Variants in KIF6 observed in about 807,000 individuals in gnomAD.
KIF6 encodes kinesin-like protein KIF6.
KIF6 carries 106 observed loss-of-function variants against 112.7 expected under a neutral mutation model. The observed-to-expected ratio is 0.94, with a 90% CI of 0.80 to 1.11. The LOEUF (loss-of-function observed/expected upper bound fraction) is 1.11, where lower values mean the gene tolerates loss of function less well. KIF6 is among the 50% of genes least tolerant of loss of function. The pLI, the probability that KIF6 is intolerant of heterozygous loss-of-function variation, is 0.00. For synonymous variants in KIF6, 339 were observed against 339.9 expected (o/e 1.00, Z 0.03); for missense variants, 929 against 964.0 (o/e 0.96, Z 0.48).
At chr6:39,456,575 C>A (rs1028068223) in intron 13 of KIF6, among the ~76,000 whole-genome samples, 2 of 119,936 alleles carry the variant, frequency 1.7e-5, no homozygotes, top group African/African-American at 3.6e-5. Context: ...CACAGACTGG[C>A]AAGTTGGATA....
intron 13 of KIF6, among the ~76,000 whole-genome samples, chr6:39,500,391 G>A (rs1482587919): frequency 6.6e-6 from 1 of 152,180 alleles, no homozygotes; most frequent in Non-Finnish European, 1.5e-5. Context: ...TGGGAGACTA[G>A]GGGAAGGAAT....
chr6:39,639,641 G>A lies in KIF6; in HGVS notation c.368C>T (p.Thr123Ile). The A allele has an allele frequency of 6.2e-7, 1 of 1,602,538 alleles. No individual in the cohort carries two copies. Among genetic ancestry groups the A allele is most frequent in the Non-Finnish European group, 8.5e-7 (1 of 1,175,702 alleles). Reference protein sequence around the residue: ...RYSDRGIIPRTLSYIFEQLQK... With the variant: ...RYSDRGIIPRILSYIFEQLQK... ...TAACTGTTCAAAAATGTATGACAGTGTCCTTGGGATAATGCCTCTGTCACT... is the reference window on the plus strand; with the variant it reads ...TAACTGTTCAAAAATGTATGACAGTATCCTTGGGATAATGCCTCTGTCACT... The change falls in exon 4 of 23, where the codon ACA (threonine) becomes ATA (isoleucine). Residue 123 changes from threonine to isoleucine, a missense_variant. Transcript: ENST00000287152.
At chr6:39,586,136 G>C in intron 8 of KIF6, 125 bp downstream of exon 8, 1 of 846,130 alleles carries the variant, frequency 1.2e-6, no homozygotes, top group Non-Finnish European at 1.9e-6. Flanking sequence ...GAACTCTGTA[G>C]GGTACTGCCC....
intron 14 of KIF6, among the ~76,000 whole-genome samples, chr6:39,427,113 G>A (rs545533845): frequency 2.8e-4 from 43 of 152,296 alleles, no homozygotes; most frequent in African/African-American, 9.9e-4. Context: ...GGGAAGCTGA[G>A]GCTTAGAGAT....
chr6:39,342,902 A>G lies in KIF6; in HGVS notation c.2428+807T>C, dbSNP rs1763421964. ...GTGCAGGCGCCACAGGGCAGGCATCAGTCATTATACATCGAATCTGCCAGC... is the reference window on the plus strand; with the variant it reads ...GTGCAGGCGCCACAGGGCAGGCATCGGTCATTATACATCGAATCTGCCAGC... On this transcript the variant is annotated intron_variant, in intron 22 of 22. Transcript: ENST00000287152. This position sits in a 1 kb window ranked among gnomAD's most constrained non-coding sequence, Gnocchi z 4.7. 1 of 985,242 alleles carries G rather than the reference A, an allele frequency of 1.0e-6. No individual in the cohort carries two copies. Among genetic ancestry groups the G allele is most frequent in the Non-Finnish European group, 1.2e-6 (1 of 829,928 alleles). The allele number at this position is 985,242 out of a possible 1,614,324, so 61.0% of individuals were successfully genotyped here.
At chr6:39,337,703 C>A (rs1380891247) in intron 22 of KIF6, among the ~76,000 whole-genome samples, 1 of 152,126 alleles carries the variant, frequency 6.6e-6, no homozygotes, top group Non-Finnish European at 1.5e-5. Context: ...AGGATGGCTC[C>A]TCCTGACCAT....
chr6:39,417,014 C>G (rs891512158), intron 15 of KIF6, among the ~76,000 whole-genome samples: 2 of 152,162 alleles, frequency 1.3e-5, no homozygotes, highest in Admixed American at 6.5e-5. Context: ...TGCCTCCTGC[C>G]TCCTAGATTC....
At chr6:39,627,338 G>T (rs950389826) in intron 5 of KIF6, among the ~76,000 whole-genome samples, 6 of 151,614 alleles carry the variant, frequency 4.0e-5, no homozygotes, top group African/African-American at 1.5e-4. Flanking sequence ...ATTTTTTTTG[G>T]CTCTCTTACA....
intron 6 of KIF6, among the ~76,000 whole-genome samples, chr6:39,602,218 T>C (rs535615372): frequency 2.0e-5 from 3 of 152,266 alleles, no homozygotes; most frequent in East Asian, 3.9e-4. Context: ...TTATCTTCCA[T>C]ATATGTTTTC....
intron 13 of KIF6, among the ~76,000 whole-genome samples, chr6:39,457,640 A>C (rs1364019594): frequency 6.6e-6 from 1 of 152,098 alleles, no homozygotes; most frequent in East Asian, 1.9e-4. Context: ...TAATAAAGAA[A>C]AAAAGAGAGA....
intron 3 of KIF6, among the ~76,000 whole-genome samples, chr6:39,710,837 A>T (rs1789506953): frequency 6.6e-6 from 1 of 151,978 alleles, no homozygotes. Context: ...GGAGTTTGAG[A>T]CCAGTCTGAG....
At chr6:39,403,035 A>G (rs1378293546) in intron 15 of KIF6, among the ~76,000 whole-genome samples, 2 of 150,514 alleles carry the variant, frequency 1.3e-5, no homozygotes, top group Non-Finnish European at 2.9e-5. Flanking sequence ...CTCTTTCTAG[A>G]GAAATTAAAA....
intron 10 of KIF6, among the ~76,000 whole-genome samples, chr6:39,572,097 G>A (rs1327063347): frequency 6.6e-6 from 1 of 151,914 alleles, no homozygotes; most frequent in Non-Finnish European, 1.5e-5. Context: ...TTTTAAACAT[G>A]GAACTGAAAA....
intron 5 of KIF6, among the ~76,000 whole-genome samples, chr6:39,616,850 T>C (rs1033478319): frequency 6.6e-6 from 1 of 152,176 alleles, no homozygotes; most frequent in African/African-American, 2.4e-5. Flanking sequence ...AAATGGTTTT[T>C]CAAAGTTGAA....
chr6:39,612,137 T>C (rs961671999), intron 6 of KIF6, among the ~76,000 whole-genome samples: 1 of 152,164 alleles, frequency 6.6e-6, no homozygotes. Context: ...GCTTTCAGTA[T>C]CTGAATTTGG....
At chr6:39,645,179 T>G (rs1484913953) in intron 3 of KIF6, among the ~76,000 whole-genome samples, 1 of 152,168 alleles carries the variant, frequency 6.6e-6, no homozygotes, top group Non-Finnish European at 1.5e-5. Flanking sequence ...AAAATGCACT[T>G]TTCCTAGAAG....
intron 13 of KIF6, among the ~76,000 whole-genome samples, chr6:39,445,227 A>G (rs994026152): frequency 6.6e-6 from 1 of 152,192 alleles, no homozygotes; most frequent in South Asian, 2.1e-4. Context: ...ACTACAGAGA[A>G]GATGAAGGGG....
At chr6:39,354,917 C>G (rs1383854613) in intron 19 of KIF6, among the ~76,000 whole-genome samples, 2 of 152,224 alleles carry the variant, frequency 1.3e-5, no homozygotes, top group South Asian at 4.1e-4. Context: ...GGTGCTCACA[C>G]CTGCAATCCC....
At chr6:39,471,886 CCTTA>C (rs533090712) in intron 13 of KIF6, among the ~76,000 whole-genome samples, 5 of 152,084 alleles carry the variant, frequency 3.3e-5, no homozygotes, top group Admixed American at 6.6e-5. Flanking sequence ...AATACATGTC[CCTTA>C]CTTCTTCCAT....
Sources: gnomAD v4.1 joint callset for allele counts (sites outside exome capture counted in the v4.1 genomes callset) on GRCh38, gnomAD v4.1.1 for gene constraint, Gnocchi (gnomAD v3.1) non-coding constraint, MANE v1.5 for transcripts, NCBI Gene and HGNC (gene_info 2026-07-23, HGNC 2026-07-21) for gene names.